Variants in RASSF4 observed in about 807,000 individuals in gnomAD.
RASSF4 encodes the protein ras association domain-containing protein 4.
RASSF4 carries 38 observed loss-of-function variants against 41.1 expected under a neutral mutation model. The observed-to-expected ratio is 0.92, with a 90% CI of 0.71 to 1.21. RASSF4 has a LOEUF of 1.21. Ranked by LOEUF, RASSF4 falls within the 50% of genes most tolerant of loss-of-function variation. The probability of loss-of-function intolerance (pLI) is 0.00; values close to 1 mark genes in which losing one functional copy is unlikely to be tolerated. For synonymous variants in RASSF4, 179 were observed against 163.4 expected (o/e 1.10, Z -0.73); for missense variants, 414 against 419.4 (o/e 0.99, Z 0.11).
At chr10:44,963,755 A>G (rs1840798233) in intron 1 of RASSF4, among the ~76,000 whole-genome samples, 1 of 152,252 alleles carries the variant, frequency 6.6e-6, no homozygotes, top group African/African-American at 2.4e-5. Flanking sequence ...AAATGTGAAA[A>G]CAGAGGTAAC....
chr10:44,977,485 C>T, intron 3 of RASSF4: 1 of 1,613,028 alleles, frequency 6.2e-7, no homozygotes, highest in Non-Finnish European at 8.5e-7. Context: ...CTTGGGCAGA[C>T]TGCCCAAAAG....
At chr10:44,989,885 C>T (rs965045348) in intron 8 of RASSF4, among the ~76,000 whole-genome samples, 164 bp downstream of exon 8, 9 of 152,208 alleles carry the variant, frequency 5.9e-5, no homozygotes, top group African/African-American at 1.9e-4. Flanking sequence ...AACATTTCTC[C>T]CCCACCCAAA....
chr10:44,971,710 C>T lies in RASSF4; in HGVS notation c.63-63C>T, dbSNP rs747302990. 8.3e-6 allele frequency: 11 copies of T among 1,327,272 alleles called. No individual in the cohort carries two copies. In the African/African-American group the frequency reaches 1.6e-4, roughly 19 times the overall value. The allele number at this position is 1,327,272 out of a possible 1,614,324, so 82.2% of individuals were successfully genotyped here. The stretch of plus-strand genomic sequence containing the variant: ...ATGAGGAAACAGAGGCCAGGGAAGC[C>T]AAAGGCCAGAAGCTGAGGCCCTGCC... On this transcript the variant is annotated intron_variant, in intron 2 of 10. Coordinates refer to ENST00000340258, the MANE Select transcript of RASSF4 (RefSeq NM_032023.4).
chr10:44,972,003 C>T (rs931217541), intron 3 of RASSF4, among the ~76,000 whole-genome samples, 155 bp downstream of exon 3: 1 of 152,246 alleles, frequency 6.6e-6, no homozygotes, highest in African/African-American at 2.4e-5. Flanking sequence ...CATCACTCAC[C>T]TCTGACCCTG....
intron 6 of RASSF4, among the ~76,000 whole-genome samples, chr10:44,988,134 CA>C (rs994551805): frequency 3.3e-5 from 5 of 152,076 alleles, no homozygotes. Context: ...GCACCAGCAC[CA>C]GGGGGGTAAC....
At chr10:44,975,376 C>G (rs574514792) in intron 3 of RASSF4, among the ~76,000 whole-genome samples, 1,523 of 151,896 alleles carry the variant, frequency 0.01, 29 homozygotes, top group African/African-American at 0.034. Flanking sequence ...CCAGCCTGCC[C>G]GCTCTGGGCA....
At chr10:44,971,340 G>T in intron 2 of RASSF4, 1 of 376,816 alleles carries the variant, frequency 2.7e-6, no homozygotes, top group Non-Finnish European at 5.3e-6. Flanking sequence ...ACCCCTCAGG[G>T]TGGCCCGCAG....
At position 44,993,776 on chromosome 10, in the gene RASSF4, G is replaced by A. The variant is rs11239305; in HGVS notation, c.*447G>A. 6,665 of 165,132 alleles carry A rather than the reference G, an allele frequency of 0.04. 149 individuals are homozygous for A. The highest frequency in any genetic ancestry group is 0.09 in the East Asian group (544 of 6,060). 10.2% of individuals were successfully genotyped at this position (165,132 alleles called of 1,614,324 possible). On this transcript the variant is annotated 3_prime_UTR_variant, in exon 11 of 11. Transcript: ENST00000340258. The stretch of plus-strand genomic sequence containing the variant: ...CAGGAATGCTGCTGGGAAAAGCAGG[G>A]CCTGCCAGCAGGTATGAGATCTAGC...
intron 7 of RASSF4, 76 bp downstream of exon 7, chr10:44,989,451 A>G: frequency 1.7e-6 from 2 of 1,154,336 alleles, no homozygotes; most frequent in Non-Finnish European, 2.6e-6. Flanking sequence ...GTTCTGGGGA[A>G]AGCTGCCCGT....
At chr10:44,990,771 C>A (rs915296615) in intron 8 of RASSF4, 177 bp from the exon 9 acceptor site, 3 of 539,310 alleles carry the variant, frequency 5.6e-6, no homozygotes, top group Non-Finnish European at 9.7e-6. Context: ...ATCTGGGGGC[C>A]CTGTTCTGCC....
intron 3 of RASSF4, chr10:44,977,344 A>T: frequency 6.6e-7 from 1 of 1,513,716 alleles, no homozygotes; most frequent in Non-Finnish European, 8.8e-7. Context: ...AGACGAGAGG[A>T]GATGCAGACC....
intron 1 of RASSF4, among the ~76,000 whole-genome samples, chr10:44,963,155 G>T (rs188110019): frequency 6.6e-6 from 1 of 152,266 alleles, no homozygotes. Flanking sequence ...ACCTCCACCT[G>T]GACAGTGCAG....
In RASSF4 at chr10:44,991,009, T is replaced by C. The variant is rs370707970; in HGVS notation, c.747T>C (p.Cys249=). ...TTTCCAGAATCCTGCATGGGCCATGTGAGAAGATCGCCAGGATCTTCCTGA... is the reference window on the plus strand; with the variant it reads ...TTTCCAGAATCCTGCATGGGCCATGCGAGAAGATCGCCAGGATCTTCCTGA... ...PLISRILHGP[C]EKIARIFLME... is the part of the protein sequence containing the mutation. The change falls in exon 9 of 11, where the codon TGT becomes TGC. Residue 249 remains cysteine (C), a synonymous_variant. Transcript: ENST00000340258. 1.7e-5 allele frequency: 27 copies of C among 1,613,822 alleles called. No homozygotes were observed. In the Middle Eastern group the frequency reaches 6.6e-4, roughly 39 times the overall value.
intron 6 of RASSF4, among the ~76,000 whole-genome samples, chr10:44,988,762 AG>A (rs1261973652): frequency 6.6e-6 from 1 of 152,184 alleles, no homozygotes; most frequent in East Asian, 1.9e-4. Context: ...TGGAGGTGCA[AG>A]GGTTTTAGAA....
At chr10:44,983,993 A>G in intron 4 of RASSF4, 29 bp from the exon 5 acceptor site, 5 of 1,569,134 alleles carry the variant, frequency 3.2e-6, no homozygotes, top group Non-Finnish European at 4.3e-6. Context: ...GCCGGCAGCC[A>G]TCTCAGCCCT....
At chr10:44,968,669 G>A (rs1333306876) in intron 1 of RASSF4, among the ~76,000 whole-genome samples, 1 of 152,218 alleles carries the variant, frequency 6.6e-6, no homozygotes, top group Non-Finnish European at 1.5e-5. Context: ...TGCCTGAGGA[G>A]CTGGGCATTC....
At chr10:44,968,873 C>A (rs1299834883) in intron 1 of RASSF4, among the ~76,000 whole-genome samples, 1 of 152,142 alleles carries the variant, frequency 6.6e-6, no homozygotes, top group East Asian at 1.9e-4. Flanking sequence ...AGGCTGTGCC[C>A]CCTCCCAATG....
At chr10:44,982,296 T>C (rs970995522) in intron 3 of RASSF4, 2 of 630,138 alleles carry the variant, frequency 3.2e-6, no homozygotes, top group African/African-American at 1.9e-5. Context: ...TGTTCTGCGC[T>C]GTGCCCCTGG....
chr10:44,990,131 G>A (rs908916678), intron 8 of RASSF4, among the ~76,000 whole-genome samples: 5 of 152,174 alleles, frequency 3.3e-5, no homozygotes, highest in Admixed American at 6.5e-5. Flanking sequence ...GGTGGGGTGC[G>A]TGTCGCAGTG....
Sources: allele counts gnomAD v4.1 joint callset (sites outside exome capture counted in the v4.1 genomes callset), GRCh38; gene constraint gnomAD v4.1.1; transcripts MANE v1.5; gene names NCBI Gene and HGNC (gene_info 2026-07-23, HGNC 2026-07-21).